HOXB6: variants seen among roughly 807,000 people sequenced by gnomAD.
HOXB6 encodes homeobox protein Hox-B6.
A neutral mutation model predicts 24.2 loss-of-function variants in HOXB6; 18 were observed. The observed-to-expected ratio is 0.74, with a 90% CI of 0.51 to 1.10. The LOEUF (loss-of-function observed/expected upper bound fraction) is 1.10, where lower values mean the gene tolerates loss of function less well. Ranked by LOEUF, HOXB6 falls within the 50% of genes least tolerant of loss-of-function variation. The pLI, the probability that HOXB6 is intolerant of heterozygous loss-of-function variation, is 0.00. For missense variants in HOXB6, 332 were observed against 308.3 expected (o/e 1.08, Z -0.58); for synonymous variants, 159 against 139.1 (o/e 1.14, Z -1.01).
rs540245263 is a variant in HOXB6 at position 48,602,180 on chromosome 17, A to G, written c.-79+2300T>C. On this transcript the variant is annotated intron_variant, in intron 2 of 3. Transcript: ENST00000225648. ...GGTTCAATTCCTTCACCACGGACCC[A>G]CCAACCAAGGAGCTGGCAAAACCCA... 7.7e-4 allele frequency: 352 copies of G among 456,120 alleles called. 3 individuals are homozygous for G. The highest frequency in any genetic ancestry group is 3.3e-3 in the South Asian group (214 of 64,564). The allele number at this position is 456,120 out of a possible 1,614,324, so 28.3% of individuals were successfully genotyped here.
In HOXB6 at chr17:48,596,257, C is replaced by A. The variant is rs1381929624; in HGVS notation, c.*156G>T. 8.7e-6 allele frequency: 10 copies of A among 1,150,876 alleles called. No homozygotes were observed. Among genetic ancestry groups the A allele is most frequent in the Non-Finnish European group, 1.3e-5 (10 of 772,730 alleles). 71.3% of individuals were successfully genotyped at this position (1,150,876 alleles called of 1,614,324 possible). On this transcript the variant is annotated 3_prime_UTR_variant, in exon 4 of 4. Coordinates refer to ENST00000225648, the MANE Select transcript of HOXB6 (RefSeq NM_018952.5). The surrounding 1 kb of genome is among the most constrained non-coding windows in gnomAD (Gnocchi z 4.8). The stretch of plus-strand genomic sequence containing the variant: ...GAGCACCCGCCGGGAGCTGTGCGGG[C>A]GGGGGCGTCCAGGAGAGCGCTGGGC...
chr17:48,602,689 G>C (rs948232020), intron 2 of HOXB6, among the ~76,000 whole-genome samples: 1 of 152,158 alleles, frequency 6.6e-6, no homozygotes, highest in African/African-American at 2.4e-5. Flanking sequence ...GGGGCTCCAG[G>C]CGTCGGGCAC....
rs1329612724 is a variant in HOXB6, at chr17:48,596,713, G to A, written c.416-41C>T. On this transcript the variant is annotated intron_variant, in intron 3 of 3. Transcript: ENST00000225648. The surrounding 1 kb of genome is among the most constrained non-coding windows in gnomAD (Gnocchi z 4.8). ...GAGATGCTGAGGCCTGCGGTCACCG[G>A]GCCCAGGACCCCCTCCCCTAGTCGA... The A allele has an allele frequency of 3.7e-6, 6 of 1,605,122 alleles. No individual in the cohort carries two copies. The highest frequency in any genetic ancestry group is 4.2e-6 in the Non-Finnish European group (5 of 1,179,896).
At position 48,598,022 on chromosome 17, in the gene HOXB6, G is replaced by T. The variant is rs1381414559; in HGVS notation, c.129C>A (p.Tyr43Ter). Residue 43 changes from tyrosine (Y) to a stop codon, truncating the protein, a stop_gained, in exon 3 of 4, where the codon TAC becomes TAA. Coordinates refer to ENST00000225648, the MANE Select transcript of HOXB6 (RefSeq NM_018952.5). LOFTEE classifies it high-confidence loss of function. ...CCTTGTCCTGGCCCGGCCCTGGCCC[G>T]TAGGGCGCGGGGTAATGTCTCAGCG... ...ADPLRHYPAPYGPGPGQDKGF... is the reference protein window; with the variant it reads ...ADPLRHYPAP The T allele has an allele frequency of 4.4e-6, 7 of 1,597,734 alleles. No homozygotes were observed. The highest frequency in any genetic ancestry group is 6.0e-6 in the Non-Finnish European group (7 of 1,172,532).
intron 2 of HOXB6, among the ~76,000 whole-genome samples, chr17:48,598,853 C>T (rs900802770): frequency 1.5e-4 from 23 of 152,206 alleles, no homozygotes; most frequent in Admixed American, 1.2e-3. Context: ...CTCCAAGCCT[C>T]GGCTTATTGT....
chr17:48,596,679 C>T lies in HOXB6; in HGVS notation c.416-7G>A. The T allele has an allele frequency of 6.2e-7, 1 of 1,611,658 alleles. No homozygotes were observed. The highest frequency in any genetic ancestry group is 8.5e-7 in the Non-Finnish European group (1 of 1,180,018). ...CTGGGCCCAAAGGAGGAACCTGTTACGCAGAGTGGAGATGCTGAGGCCTGC... is the reference window on the plus strand; with the variant it reads ...CTGGGCCCAAAGGAGGAACCTGTTATGCAGAGTGGAGATGCTGAGGCCTGC... On this transcript the variant is annotated splice_region_variant and splice_polypyrimidine_tract_variant and intron_variant, in intron 3 of 3. Transcript: ENST00000225648. This position sits in a 1 kb window ranked among gnomAD's most constrained non-coding sequence, Gnocchi z 4.8.
intron 2 of HOXB6, among the ~76,000 whole-genome samples, chr17:48,600,242 T>A (rs977855038): frequency 6.6e-6 from 1 of 152,156 alleles, no homozygotes; most frequent in African/African-American, 2.4e-5. Flanking sequence ...TGCCTACTGC[T>A]GAGGCTGAGC....
At chr17:48,601,978 G>C (rs1428644207) in intron 2 of HOXB6, 2 of 407,428 alleles carry the variant, frequency 4.9e-6, no homozygotes, top group Admixed American at 5.1e-5. Context: ...AGTTAAGCCG[G>C]TGTGGAGGGT....
intron 3 of HOXB6, 29 bp downstream of exon 3, chr17:48,597,707 G>A (rs1162459097): frequency 2.5e-6 from 4 of 1,608,166 alleles, no homozygotes; most frequent in East Asian, 4.5e-5. Flanking sequence ...AGGGGAGCCG[G>A]GGCGACGGCG....
At chr17:48,603,191 C>T (rs897663869) in intron 2 of HOXB6, among the ~76,000 whole-genome samples, 3 of 152,218 alleles carry the variant, frequency 2.0e-5, no homozygotes, top group African/African-American at 7.2e-5. Flanking sequence ...GACTAAAAAT[C>T]ACAATTTCTC....
At chr17:48,597,006 C>CGG in intron 3 of HOXB6, 1 of 1,030,178 alleles carries the variant, frequency 9.7e-7, no homozygotes, top group Admixed American at 3.6e-5. Context: ...CCCCCGTCAT[C>CGG]CCCCCAACCC....
intron 3 of HOXB6, chr17:48,597,034 G>T (rs979866768): frequency 2.1e-5 from 23 of 1,118,642 alleles, no homozygotes; most frequent in Middle Eastern, 3.9e-4. Flanking sequence ...AATCCAGGCC[G>T]TTAATCCGTA....
intron 2 of HOXB6, among the ~76,000 whole-genome samples, chr17:48,599,678 T>C (rs1424182822): frequency 6.6e-6 from 1 of 152,192 alleles, no homozygotes; most frequent in Non-Finnish European, 1.5e-5. Flanking sequence ...AAAATAAGCA[T>C]TGAGCCCAGG....
At chr17:48,601,298 C>G (rs2070456590) in intron 2 of HOXB6, 1 of 148,214 alleles carries the variant, frequency 6.7e-6, no homozygotes, top group South Asian at 2.1e-4. Context: ...GACACTTTGC[C>G]CTAAAATCGG....
chr17:48,603,452 C>T (rs1174861621), intron 2 of HOXB6, among the ~76,000 whole-genome samples: 2 of 152,210 alleles, frequency 1.3e-5, no homozygotes, highest in Non-Finnish European at 2.9e-5. Flanking sequence ...TCAGTTTAGA[C>T]GCCGCTAGGT....
chr17:48,597,971 C>T lies in HOXB6; in HGVS notation c.180G>A (p.Pro60=). The change falls in exon 3 of 4, where the codon CCG becomes CCA. Residue 60 remains proline, a synonymous_variant. Transcript: ENST00000225648. ...DKGFATSSYY[P]PAGGGYGRAA... is the part of the protein sequence containing the mutation. ...CTCGGCCGTAGCCACCGCCCGCCGG[C>T]GGGTAATAGGAGGAAGTGGCAAAGC... 2.5e-6 allele frequency: 4 copies of T among 1,583,512 alleles called. No homozygotes were observed. The highest frequency in any genetic ancestry group is 3.4e-6 in the Non-Finnish European group (4 of 1,165,010).
Position 48,596,800 on chromosome 17 carries a change from C to T in HOXB6, c.416-128G>A, listed in dbSNP as rs1159477256. ...CTCTATTCTGCCGGCTCCCTTCCCC[C>T]GTTTCGCACTCCTCCAGCGCCCCCT... On this transcript the variant is annotated intron_variant, in intron 3 of 3. Transcript: ENST00000225648. The surrounding 1 kb of genome is among the most constrained non-coding windows in gnomAD (Gnocchi z 4.8). 6 of 1,426,094 alleles carry T rather than the reference C, an allele frequency of 4.2e-6. No individual in the cohort carries two copies. The highest frequency in any genetic ancestry group is 2.4e-5 in the East Asian group (1 of 40,904). The allele number at this position is 1,426,094 out of a possible 1,614,324, so 88.3% of individuals were successfully genotyped here.
chr17:48,602,276 T>A (rs1407691904), intron 2 of HOXB6: 2 of 454,860 alleles, frequency 4.4e-6, no homozygotes, highest in Non-Finnish European at 8.8e-6. Context: ...GGCCGGCGCC[T>A]GCCCTGCGGG....
chr17:48,601,398 G>C (rs2070458781), intron 2 of HOXB6: 1 of 152,258 alleles, frequency 6.6e-6, no homozygotes, highest in Non-Finnish European at 1.5e-5. Context: ...CAGTAGTGCT[G>C]AACCCACTCT....
Sources: allele counts gnomAD v4.1 joint callset (sites outside exome capture counted in the v4.1 genomes callset), GRCh38; gene constraint gnomAD v4.1.1; non-coding constraint Gnocchi (gnomAD v3.1); transcripts MANE v1.5; gene names NCBI Gene and HGNC (gene_info 2026-07-23, HGNC 2026-07-21).